LRP1B: variants seen among roughly 807,000 people sequenced by gnomAD.
LRP1B encodes LDL receptor related protein 1B, also known as low-density lipoprotein receptor-related protein 1B.
A neutral mutation model predicts 556.6 loss-of-function variants in LRP1B; 217 were observed. That is an observed-to-expected ratio of 0.39 (90% CI 0.35 to 0.44). The LOEUF is 0.44. Among genes scored for constraint, LRP1B ranks in the 20% least tolerant of loss-of-function variants. The pLI, the probability that LRP1B is intolerant of heterozygous loss-of-function variation, is 1.00. For missense variants in LRP1B, 5,053 were observed against 5,620.8 expected, an observed-to-expected ratio of 0.90 and a Z score of 3.23; for synonymous variants, 2,047 against 1,865.8, an observed-to-expected ratio of 1.10 and a Z score of -2.50.
At chr2:141,300,006 C>T (rs1686326494) in intron 3 of LRP1B, among the ~76,000 whole-genome samples, 2 of 152,108 alleles carry the variant, frequency 1.3e-5, no homozygotes, top group Admixed American at 1.3e-4. Context: ...GTGAAGCTCC[C>T]ATAAATGGGA....
intron 86 of LRP1B, among the ~76,000 whole-genome samples, chr2:140,266,920 T>C (rs1446794496): frequency 2.6e-5 from 4 of 152,178 alleles, no homozygotes; most frequent in African/African-American, 9.6e-5. Flanking sequence ...GTAAAAACTC[T>C]TGAGGTTGTT....
chr2:141,342,200 T>C (rs1338237629), intron 3 of LRP1B, among the ~76,000 whole-genome samples: 1 of 145,876 alleles, frequency 6.9e-6, no homozygotes, highest in Non-Finnish European at 1.5e-5. Flanking sequence ...GCCGAGATCG[T>C]GCCACCGCAC....
At chr2:141,241,551 G>T (rs981547657) in intron 5 of LRP1B, among the ~76,000 whole-genome samples, 3 of 151,944 alleles carry the variant, frequency 2.0e-5, no homozygotes, top group African/African-American at 7.2e-5. Flanking sequence ...GACAAAACTG[G>T]CCAAATATTC....
chr2:141,947,816 G>GAAAA (rs373885349), intron 1 of LRP1B, among the ~76,000 whole-genome samples: 3 of 140,892 alleles, frequency 2.1e-5, no homozygotes, highest in Admixed American at 7.2e-5. Context: ...TTAAATATCA[G>GAAAA]AAAAAAAAAA....
At chr2:141,754,792 T>C (rs1694258692) in intron 2 of LRP1B, among the ~76,000 whole-genome samples, 1 of 152,148 alleles carries the variant, frequency 6.6e-6, no homozygotes, top group African/African-American at 2.4e-5. Flanking sequence ...TCAGATTTAA[T>C]AGGGATGAAA....
chr2:140,901,115 G>A (rs898493860), intron 23 of LRP1B, among the ~76,000 whole-genome samples: 1 of 152,140 alleles, frequency 6.6e-6, no homozygotes, highest in African/African-American at 2.4e-5. Context: ...AGGCCTGATA[G>A]ATAAGTAAGC....
At chr2:140,285,111 A>G (rs981788477) in intron 84 of LRP1B, among the ~76,000 whole-genome samples, 14 of 149,930 alleles carry the variant, frequency 9.3e-5, no homozygotes, top group African/African-American at 2.2e-4. Flanking sequence ...CTATATATAT[A>G]TGTGTGTGTA....
chr2:141,569,334 A>T (rs759743170), intron 2 of LRP1B, among the ~76,000 whole-genome samples: 2 of 151,072 alleles, frequency 1.3e-5, no homozygotes, highest in Admixed American at 1.3e-4. Context: ...CCCTAGAAAT[A>T]TAAAAAAAAG....
chr2:140,521,941 TAAAAC>T (rs1350293500), intron 49 of LRP1B, among the ~76,000 whole-genome samples: 1 of 151,992 alleles, frequency 6.6e-6, no homozygotes, highest in Non-Finnish European at 1.5e-5. Flanking sequence ...CCTAGATTCA[TAAAAC>T]TAGTACTTCT....
At chr2:140,842,121 T>C (rs531212693) in intron 29 of LRP1B, among the ~76,000 whole-genome samples, 1 of 152,342 alleles carries the variant, frequency 6.6e-6, no homozygotes, top group South Asian at 2.1e-4. Context: ...AATCAAAACT[T>C]CTGAGCAGCT....
chr2:140,450,385 A>G (rs1686834623), intron 63 of LRP1B, among the ~76,000 whole-genome samples, 183 bp downstream of exon 63: 1 of 152,238 alleles, frequency 6.6e-6, no homozygotes, highest in Admixed American at 6.5e-5. Context: ...AACAGTTATC[A>G]GGGAGATAAC....
chr2:141,211,491 G>A lies in LRP1B; in HGVS notation c.850+17692C>T, dbSNP rs185085505. Among the ~76,000 whole-genome samples, 214 of 151,758 alleles carry A rather than the reference G, an allele frequency of 1.4e-3. 1 individual carries two copies. Among genetic ancestry groups the A allele is most frequent in the African/African-American group, 4.5e-3 (188 of 41,428 alleles). On this transcript the variant is annotated intron_variant, in intron 6 of 90. Coordinates refer to ENST00000389484, the MANE Select transcript of LRP1B (RefSeq NM_018557.3). Reference sequence around the variant, plus strand: ...AAATACTAGCCGGCCCTGGTGGTGCGTGCCTGTAATCCCAGCTACTTGGGA... The same window carrying A: ...AAATACTAGCCGGCCCTGGTGGTGCATGCCTGTAATCCCAGCTACTTGGGA...
At chr2:140,560,048 T>G (rs980949389) in intron 43 of LRP1B, among the ~76,000 whole-genome samples, 2 of 152,154 alleles carry the variant, frequency 1.3e-5, no homozygotes, top group Non-Finnish European at 2.9e-5. Context: ...AATGTCACTT[T>G]AACCAAGTGA....
In LRP1B at chr2:140,840,846, T is replaced by C. The variant is rs979903659; in HGVS notation, c.5114+72A>G. 5.1e-5 allele frequency: 61 copies of C among 1,199,066 alleles called. No homozygotes were observed. The Admixed American group carries it at 1.4e-3, about 27-fold the overall frequency. 74.3% of individuals were successfully genotyped at this position (1,199,066 alleles called of 1,614,324 possible). ...TATATATATCCTCTGAATTAAGCAA[T>C]GTTTTTATATAAAATCAGGGCAAAA... is the stretch of plus-strand genomic sequence containing the variant. On this transcript the variant is annotated intron_variant, in intron 30 of 90. Transcript: ENST00000389484.
At chr2:141,605,715 T>C (rs188419346) in intron 2 of LRP1B, among the ~76,000 whole-genome samples, 8 of 152,330 alleles carry the variant, frequency 5.3e-5, no homozygotes, top group Admixed American at 3.9e-4. Context: ...ACACTTTCCA[T>C]ATGCCAAGAA....
chr2:140,693,416 CAA>C (rs1416737173), intron 41 of LRP1B, among the ~76,000 whole-genome samples: 3 of 151,996 alleles, frequency 2.0e-5, no homozygotes, highest in Non-Finnish European at 4.4e-5. Flanking sequence ...ACCCTGGACT[CAA>C]GAGATCCTCC....
chr2:140,401,962 T>C (rs1256632437), intron 66 of LRP1B, among the ~76,000 whole-genome samples: 1 of 152,186 alleles, frequency 6.6e-6, no homozygotes, highest in Non-Finnish European at 1.5e-5. Context: ...TCACAGAGTC[T>C]ACATCAATCC....
chr2:141,587,395 A>G (rs1687180491), intron 2 of LRP1B, among the ~76,000 whole-genome samples: 1 of 152,226 alleles, frequency 6.6e-6, no homozygotes, highest in Non-Finnish European at 1.5e-5. Context: ...CTTTCTATAA[A>G]TAGTGCTTCT....
At chr2:141,384,205 C>A (rs1023277450) in intron 3 of LRP1B, among the ~76,000 whole-genome samples, 2 of 150,906 alleles carry the variant, frequency 1.3e-5, no homozygotes, top group African/African-American at 4.9e-5. Flanking sequence ...ATTTCAAAGA[C>A]GTTAAAAAGT....
Sources: allele counts gnomAD v4.1 joint callset (sites outside exome capture counted in the v4.1 genomes callset), GRCh38; gene constraint gnomAD v4.1.1; transcripts MANE v1.5; gene names NCBI Gene and HGNC (gene_info 2026-07-23, HGNC 2026-07-21).